RALYL: variants seen among roughly 807,000 people sequenced by gnomAD.
RALYL encodes RNA-binding Raly-like protein.
Under a neutral mutation model 35.1 loss-of-function variants are expected in RALYL, and 29 were observed. The observed-to-expected ratio is 0.83, with a 90% confidence interval of 0.61 to 1.13. The LOEUF (loss-of-function observed/expected upper bound fraction) is 1.13, where lower values mean the gene tolerates loss of function less well. Ranked by LOEUF, RALYL falls within the 50% of genes most tolerant of loss-of-function variation. The pLI, the probability that RALYL is intolerant of heterozygous loss-of-function variation, is 0.00. For synonymous variants in RALYL, 120 were observed against 127.6 expected, an observed-to-expected ratio of 0.94 and a Z score of 0.40; for missense variants, 359 against 360.4, an observed-to-expected ratio of 1.00 and a Z score of 0.03.
At chr8:84,538,981 C>G (rs548552820) in intron 2 of RALYL, among the ~76,000 whole-genome samples, 39 of 152,248 alleles carry the variant, frequency 2.6e-4, no homozygotes, top group African/African-American at 8.7e-4. Flanking sequence ...ATGTGGCAAA[C>G]AAATTGAGTA....
At chr8:84,435,556 G>T (rs1324173123) in intron 1 of RALYL, among the ~76,000 whole-genome samples, 1 of 152,132 alleles carries the variant, frequency 6.6e-6, no homozygotes, top group Non-Finnish European at 1.5e-5. Context: ...CTGTAAGTCG[G>T]TGATGTTCCA....
chr8:84,657,456 T>C (rs1301307077), intron 2 of RALYL, among the ~76,000 whole-genome samples: 1 of 152,198 alleles, frequency 6.6e-6, no homozygotes, highest in Non-Finnish European at 1.5e-5. Context: ...AGAATATTTC[T>C]TGTTGGGGCT....
chr8:84,303,365 C>CAA (rs1455294614), intron 1 of RALYL, among the ~76,000 whole-genome samples: 1 of 152,100 alleles, frequency 6.6e-6, no homozygotes, highest in Non-Finnish European at 1.5e-5. Context: ...GTAAATACTA[C>CAA]AAAAAACATT....
At chr8:84,616,485 G>A (rs1427385259) in intron 2 of RALYL, among the ~76,000 whole-genome samples, 3 of 149,362 alleles carry the variant, frequency 2.0e-5, no homozygotes, top group African/African-American at 4.9e-5. Flanking sequence ...GTAGATTCTG[G>A]ATATTAGCCC....
chr8:84,578,374 G>A (rs1021812587), intron 2 of RALYL, among the ~76,000 whole-genome samples: 3 of 152,190 alleles, frequency 2.0e-5, no homozygotes, highest in Non-Finnish European at 4.4e-5. Context: ...GATCACCTAG[G>A]TCTGGGCTCC....
intron 1 of RALYL, among the ~76,000 whole-genome samples, chr8:84,290,646 G>A (rs1838604247): frequency 6.6e-6 from 1 of 152,144 alleles, no homozygotes; most frequent in South Asian, 2.1e-4. Flanking sequence ...AGGTGGGGCA[G>A]GGCATATTCA....
chr8:84,426,963 A>T (rs2046551433), intron 1 of RALYL, among the ~76,000 whole-genome samples: 1 of 152,198 alleles, frequency 6.6e-6, no homozygotes, highest in Admixed American at 6.5e-5. Flanking sequence ...AAAGGAAATG[A>T]AATCACCACC....
At chr8:84,498,268 G>T (rs952047682) in intron 1 of RALYL, among the ~76,000 whole-genome samples, 1 of 151,836 alleles carries the variant, frequency 6.6e-6, no homozygotes, top group Non-Finnish European at 1.5e-5. Flanking sequence ...TTCAGCTTGC[G>T]AGTTGTAGAC....
chr8:84,649,261 C>T (rs1236716299), intron 2 of RALYL, among the ~76,000 whole-genome samples: 2 of 152,048 alleles, frequency 1.3e-5, no homozygotes, highest in Non-Finnish European at 2.9e-5. Flanking sequence ...GTTTCTTTTG[C>T]TGTGCAGAAG....
At chr8:84,616,187 G>T (rs1819580095) in intron 2 of RALYL, among the ~76,000 whole-genome samples, 1 of 55,414 alleles carries the variant, frequency 1.8e-5, no homozygotes, top group Non-Finnish European at 3.2e-5. Context: ...TTCCACAATG[G>T]TTGAACTAGT....
chr8:84,787,490 A>C (rs1036644570), intron 3 of RALYL, among the ~76,000 whole-genome samples: 2 of 152,158 alleles, frequency 1.3e-5, no homozygotes, highest in Non-Finnish European at 2.9e-5. Context: ...ATACATGCGC[A>C]TGTGTCTTTA....
At chr8:84,696,130 T>A (rs17794614) in intron 2 of RALYL, among the ~76,000 whole-genome samples, 1 of 151,674 alleles carries the variant, frequency 6.6e-6, no homozygotes, top group Non-Finnish European at 1.5e-5. Flanking sequence ...CTGTTTTTAC[T>A]TAGCATTACA....
intron 2 of RALYL, among the ~76,000 whole-genome samples, chr8:84,651,407 G>A (rs895161697): frequency 6.6e-6 from 1 of 151,778 alleles, no homozygotes; most frequent in African/African-American, 2.4e-5. Context: ...CACAAGCAGT[G>A]AAGATAAAAT....
At chr8:84,315,156 C>T (rs373418747) in intron 1 of RALYL, among the ~76,000 whole-genome samples, 1 of 152,008 alleles carries the variant, frequency 6.6e-6, no homozygotes, top group South Asian at 2.1e-4. Flanking sequence ...TTCAATAAGC[C>T]AGAGGTTAAA....
At chr8:84,194,040 G>A (rs1010550811) in intron 1 of RALYL, among the ~76,000 whole-genome samples, 7 of 152,180 alleles carry the variant, frequency 4.6e-5, no homozygotes, top group Middle Eastern at 3.2e-3. Context: ...TGAGAGTAGT[G>A]CAAGGATGGA....
At chr8:84,696,587 G>C (rs1839192803) in intron 2 of RALYL, among the ~76,000 whole-genome samples, 3 of 151,866 alleles carry the variant, frequency 2.0e-5, no homozygotes, top group Admixed American at 1.3e-4. Context: ...GCTTTCTATA[G>C]CTTTCCAAGG....
chr8:84,328,808 TCCATGAATGC>T (rs1434407968), intron 1 of RALYL, among the ~76,000 whole-genome samples: 3 of 152,148 alleles, frequency 2.0e-5, no homozygotes, highest in Admixed American at 1.3e-4. Context: ...CAACTTTATG[TCCATGAATGC>T]CCAGTGTTTA....
At chr8:84,773,822 C>T (rs1816172767) in intron 2 of RALYL, among the ~76,000 whole-genome samples, 1 of 152,086 alleles carries the variant, frequency 6.6e-6, no homozygotes, top group African/African-American at 2.4e-5. Flanking sequence ...TTAATAAGTC[C>T]TCCTATGAAC....
intron 2 of RALYL, among the ~76,000 whole-genome samples, chr8:84,552,254 T>C (rs2060775223): frequency 6.7e-6 from 1 of 148,978 alleles, no homozygotes; most frequent in Non-Finnish European, 1.5e-5. Flanking sequence ...ACAAATAAGA[T>C]GGTTGTATTT....
Sources: allele counts gnomAD v4.1 joint callset (sites outside exome capture counted in the v4.1 genomes callset), GRCh38; gene constraint gnomAD v4.1.1; transcripts MANE v1.5; gene names NCBI Gene and HGNC (gene_info 2026-07-23, HGNC 2026-07-21).